PIK3CG: variants seen among roughly 807,000 people sequenced by gnomAD.
PIK3CG encodes the protein phosphatidylinositol-4,5-bisphosphate 3-kinase catalytic subunit gamma, also known as phosphatidylinositol 4,5-bisphosphate 3-kinase catalytic subunit gamma isoform.
A neutral mutation model predicts 102.3 loss-of-function variants in PIK3CG; 55 were observed. The ratio of observed to expected loss-of-function variants is 0.54; its 90% CI spans 0.43 to 0.67. The LOEUF (loss-of-function observed/expected upper bound fraction) is 0.67, where lower values mean the gene tolerates loss of function less well. PIK3CG is among the 30% of genes least tolerant of loss of function. The pLI is 0.00. For missense variants in PIK3CG, 1,258 were observed against 1,391.8 expected (o/e 0.90, Z 1.53); for synonymous variants, 552 against 540.0 (o/e 1.02, Z -0.31).
chr7:106,879,732 T>G lies in PIK3CG; in HGVS notation c.2538+67T>G, dbSNP rs1790878074. On this transcript the variant is annotated intron_variant, in intron 6 of 10. Transcript: ENST00000496166. The surrounding 1 kb of genome is among the most constrained non-coding windows in gnomAD (Gnocchi z 4.9). ...TTCTATATTACATCAAAAACATGCT[T>G]TCTCCTACTGGCTCTATTCCCACTC... 8.5e-7 allele frequency: 1 copy of G among 1,175,354 alleles called. No homozygotes were observed. The highest frequency in any genetic ancestry group is 1.5e-5 in the African/African-American group (1 of 65,978). 72.8% of individuals were successfully genotyped at this position (1,175,354 alleles called of 1,614,324 possible). A position where few individuals can be genotyped will look rare whatever the true frequency, so the allele number is the denominator to read the frequency against.
rs148885710 is a variant in PIK3CG at position 106,873,004 on chromosome 7, A to G, written c.2287+66A>G. 290 of 1,180,140 alleles carry G rather than the reference A, an allele frequency of 2.5e-4. 2 individuals carry two copies. In the East Asian group the frequency reaches 6.3e-3, roughly 26 times the overall value. The allele number at this position is 1,180,140 out of a possible 1,614,324, so 73.1% of individuals were successfully genotyped here. ...TTCATCTCCAAATGCCATTGTTCCT[A>G]TAATTCTTTTTCTTCCTGGAATCCA... On this transcript the variant is annotated intron_variant, in intron 4 of 10. Transcript: ENST00000496166.
Position 106,884,348 on chromosome 7 carries a change from C to A in PIK3CG, c.2872+82C>A. The A allele has an allele frequency of 1.1e-6, 1 of 900,382 alleles. No homozygotes were observed. The highest frequency in any genetic ancestry group is 1.8e-6 in the Non-Finnish European group (1 of 559,368). 55.8% of individuals were successfully genotyped at this position (900,382 alleles called of 1,614,324 possible). A position where few individuals can be genotyped will look rare whatever the true frequency, so the allele number is the denominator to read the frequency against. ...CATTTACTATTTTAACTCTAATTAA[C>A]TGTAAGTGTTCAGTTCAGTGGCATT... is the stretch of plus-strand genomic sequence containing the variant. On this transcript the variant is annotated intron_variant, in intron 9 of 10. Coordinates refer to ENST00000496166, the MANE Select transcript of PIK3CG (RefSeq NM_001282426.2). The surrounding 1 kb of genome is among the most constrained non-coding windows in gnomAD (Gnocchi z 4.2).
In PIK3CG at chr7:106,892,169, T is replaced by A. The variant is rs1444322443; in HGVS notation, c.3030+5877T>A. Among the ~76,000 whole-genome samples, 1 of 151,908 alleles carries A rather than the reference T, an allele frequency of 6.6e-6. No homozygotes were observed. Among genetic ancestry groups the A allele is most frequent in the Non-Finnish European group, 1.5e-5 (1 of 67,958 alleles). ...CCAGCCACAGGGACCACAGAGACCT[T>A]GTAATCTGACATTCTTCCAAGGGCT... On this transcript the variant is annotated intron_variant, in intron 10 of 10. Coordinates refer to ENST00000496166, the MANE Select transcript of PIK3CG (RefSeq NM_001282426.2). The surrounding 1 kb of genome is among the most constrained non-coding windows in gnomAD (Gnocchi z 5.2).
At position 106,893,703 on chromosome 7, in the gene PIK3CG, G is replaced by A. The variant is rs2116587822; in HGVS notation, c.3030+7411G>A. Among the ~76,000 whole-genome samples, 1 of 152,234 alleles carries A rather than the reference G, an allele frequency of 6.6e-6. No individual in the cohort carries two copies. The highest frequency in any genetic ancestry group is 1.9e-4 in the East Asian group (1 of 5,186). On this transcript the variant is annotated intron_variant, in intron 10 of 10. Transcript: ENST00000496166. The surrounding 1 kb of genome is among the most constrained non-coding windows in gnomAD (Gnocchi z 4.4). ...ACAGTTAACAGATTATGTCCTTTTA[G>A]CTAGAGATATATTTGAAGACTTCCT...
In PIK3CG at chr7:106,890,287, C is replaced by T. The variant is rs1791234759; in HGVS notation, c.3030+3995C>T. Among the ~76,000 whole-genome samples, 1 of 152,080 alleles carries T rather than the reference C, an allele frequency of 6.6e-6. No individual in the cohort carries two copies. The highest frequency in any genetic ancestry group is 1.5e-5 in the Non-Finnish European group (1 of 67,992). On this transcript the variant is annotated intron_variant, in intron 10 of 10. Coordinates refer to ENST00000496166, the MANE Select transcript of PIK3CG (RefSeq NM_001282426.2). This position sits in a 1 kb window ranked among gnomAD's most constrained non-coding sequence, Gnocchi z 4.2. ...ACCTCTGCCTCCTGGGTTCACACCA[C>T]TCTCCTGCCTCAGCCTTCCAAGTAG...
In PIK3CG at chr7:106,905,095, T is replaced by A. The variant is rs779207693; in HGVS notation, c.3031-14T>A. 2 of 1,607,902 alleles carry A rather than the reference T, an allele frequency of 1.2e-6. No individual in the cohort carries two copies. Among genetic ancestry groups the A allele is most frequent in the Non-Finnish European group, 1.7e-6 (2 of 1,176,248 alleles). ...CATAACAACAGTAACAGCATTTTCT[T>A]CTTCTTTATCCAGGACATCTGTGTT... is the stretch of plus-strand genomic sequence containing the variant. On this transcript the variant is annotated splice_polypyrimidine_tract_variant and intron_variant, in intron 10 of 10. Coordinates refer to ENST00000496166, the MANE Select transcript of PIK3CG (RefSeq NM_001282426.2). The surrounding 1 kb of genome is among the most constrained non-coding windows in gnomAD (Gnocchi z 5.6).
intron 9 of PIK3CG, among the ~76,000 whole-genome samples, chr7:106,885,096 C>T (rs1269932863): frequency 1.3e-5 from 2 of 152,144 alleles, no homozygotes; most frequent in Non-Finnish European, 2.9e-5. Context: ...CCATCGCTCA[C>T]CTCCTGCTGT....
chr7:106,889,915 T>C (rs143341401), intron 10 of PIK3CG, among the ~76,000 whole-genome samples: 1 of 152,294 alleles, frequency 6.6e-6, no homozygotes, highest in Non-Finnish European at 1.5e-5. Flanking sequence ...CTATTAGCCA[T>C]TGGAGCAGCA....
At chr7:106,901,118 A>C (rs1054176799) in intron 10 of PIK3CG, among the ~76,000 whole-genome samples, 2 of 152,124 alleles carry the variant, frequency 1.3e-5, no homozygotes, top group African/African-American at 4.8e-5. Flanking sequence ...AGCTTGGGAA[A>C]GTTTTCATGG....
In PIK3CG at chr7:106,905,554, C is replaced by T; in HGVS notation, c.*167C>T. 1.5e-6 allele frequency: 1 copy of T among 658,110 alleles called. No homozygotes were observed. Among genetic ancestry groups the T allele is most frequent in the Non-Finnish European group, 2.6e-6 (1 of 390,970 alleles). 40.8% of individuals were successfully genotyped at this position (658,110 alleles called of 1,614,324 possible). On this transcript the variant is annotated 3_prime_UTR_variant, in exon 11 of 11. Coordinates refer to ENST00000496166, the MANE Select transcript of PIK3CG (RefSeq NM_001282426.2). This position sits in a 1 kb window ranked among gnomAD's most constrained non-coding sequence, Gnocchi z 5.6. ...CCCTGGAGAAAAGATGTTGGCATTGCTGATTGTTTGGTTAAGCAATGTCCA... is the reference window on the plus strand; with the variant it reads ...CCCTGGAGAAAAGATGTTGGCATTGTTGATTGTTTGGTTAAGCAATGTCCA...
At position 106,868,112 on chromosome 7, in the gene PIK3CG, G is replaced by A. The variant is rs763939338; in HGVS notation, c.551G>A (p.Arg184His). The A allele has an allele frequency of 6.2e-7, 1 of 1,612,968 alleles. No individual in the cohort carries two copies. The highest frequency in any genetic ancestry group is 8.5e-7 in the Non-Finnish European group (1 of 1,179,516). ...EFTRRGLVTP[R>H]MAEVASRDPK... Reference sequence around the variant, plus strand: ...ACGCGCCGTGGCTTGGTGACCCCGCGCATGGCGGAGGTGGCCAGCCGCGAC... The same window carrying A: ...ACGCGCCGTGGCTTGGTGACCCCGCACATGGCGGAGGTGGCCAGCCGCGAC... The change falls in exon 2 of 11, where the codon CGC (arginine) becomes CAC (histidine). Residue 184 changes from arginine (R) to histidine (H), a missense_variant. Coordinates refer to ENST00000496166, the MANE Select transcript of PIK3CG (RefSeq NM_001282426.2). This position sits in a 1 kb window ranked among gnomAD's most constrained non-coding sequence, Gnocchi z 6.2.
In PIK3CG at chr7:106,905,248, T is replaced by G; in HGVS notation, c.3170T>G (p.Val1057Gly). The G allele has an allele frequency of 6.2e-7, 1 of 1,614,020 alleles. No homozygotes were observed. Among genetic ancestry groups the G allele is most frequent in the Admixed American group, 1.7e-5 (1 of 60,012 alleles). Residue 1057 changes from valine to glycine, a missense_variant, in exon 11 of 11, where the codon GTG (valine) becomes GGG (glycine). By Grantham distance (109) the Val-to-Gly change is moderately radical (BLOSUM62 -3). Transcript: ENST00000496166. This position sits in a 1 kb window ranked among gnomAD's most constrained non-coding sequence, Gnocchi z 5.6. ...GAATATATCCGGGATGCCCTCACAG[T>G]GGGGAAAAATGAGGAGGATGCTAAA... ...DIEYIRDALTVGKNEEDAKKY... is the reference protein window; with the variant it reads ...DIEYIRDALTGGKNEEDAKKY...
In PIK3CG at chr7:106,906,217, T is replaced by C. The variant is rs1791681476; in HGVS notation, c.*830T>C. 2 of 228,898 alleles carry C rather than the reference T, an allele frequency of 8.7e-6. No individual in the cohort carries two copies. The highest frequency in any genetic ancestry group is 1.7e-5 in the Non-Finnish European group (2 of 115,790). 14.2% of individuals were successfully genotyped at this position (228,898 alleles called of 1,614,324 possible). On this transcript the variant is annotated 3_prime_UTR_variant, in exon 11 of 11. Coordinates refer to ENST00000496166, the MANE Select transcript of PIK3CG (RefSeq NM_001282426.2). ...CTCCCTTTTTCATCAATTGCGATGC[T>C]CCCACAACTCTTTACAGACTTGTGA...
In PIK3CG at chr7:106,895,064, A is replaced by G. The variant is rs1562800159; in HGVS notation, c.3030+8772A>G. On this transcript the variant is annotated intron_variant, in intron 10 of 10. Coordinates refer to ENST00000496166, the MANE Select transcript of PIK3CG (RefSeq NM_001282426.2). This position sits in a 1 kb window ranked among gnomAD's most constrained non-coding sequence, Gnocchi z 5.4. Reference sequence around the variant, plus strand: ...CAGATGTACTACGTAGGCTCAATCTATTTATTAGCTACTAATGGAGAATGT... The same window carrying G: ...CAGATGTACTACGTAGGCTCAATCTGTTTATTAGCTACTAATGGAGAATGT... Among the ~76,000 whole-genome samples, 1 of 152,256 alleles carries G rather than the reference A, an allele frequency of 6.6e-6. No homozygotes were observed. The highest frequency in any genetic ancestry group is 1.5e-5 in the Non-Finnish European group (1 of 68,036).
rs1219221198 is a variant in PIK3CG at position 106,867,765 on chromosome 7, G to A, written c.204G>A (p.Glu68=). The A allele has an allele frequency of 3.7e-6, 6 of 1,612,914 alleles. No homozygotes were observed. In the Admixed American group the frequency reaches 5.0e-5, roughly 13 times the overall value. Residue 68 remains glutamate, a synonymous_variant, in exon 2 of 11, where the codon GAG becomes GAA. Coordinates refer to ENST00000496166, the MANE Select transcript of PIK3CG (RefSeq NM_001282426.2). The surrounding 1 kb of genome is among the most constrained non-coding windows in gnomAD (Gnocchi z 5.1). ...LLHVAGHGNV[E]QMKAQVWLRA... ...ACGTGGCCGGCCACGGCAACGTGGAGCAGATGAAGGCCCAGGTGTGGCTGC... is the reference window on the plus strand; with the variant it reads ...ACGTGGCCGGCCACGGCAACGTGGAACAGATGAAGGCCCAGGTGTGGCTGC...
At position 106,869,630 on chromosome 7, in the gene PIK3CG, C is replaced by G; in HGVS notation, c.1995+74C>G. ...TTTGCATATGCACAGGCACTCCATTCAGTTGTCATCAAATGCCCTTTGTTC... is the reference window on the plus strand; with the variant it reads ...TTTGCATATGCACAGGCACTCCATTGAGTTGTCATCAAATGCCCTTTGTTC... On this transcript the variant is annotated intron_variant, in intron 2 of 10. Coordinates refer to ENST00000496166, the MANE Select transcript of PIK3CG (RefSeq NM_001282426.2). The surrounding 1 kb of genome is among the most constrained non-coding windows in gnomAD (Gnocchi z 5.3). 8.0e-7 allele frequency: 1 copy of G among 1,248,026 alleles called. No individual in the cohort carries two copies. 77.3% of individuals were successfully genotyped at this position (1,248,026 alleles called of 1,614,324 possible).
rs980909074 is a variant in PIK3CG at position 106,884,928 on chromosome 7, G to C, written c.2872+662G>C. Among the ~76,000 whole-genome samples the C allele has an allele frequency of 1.1e-4, 17 of 152,274 alleles. No homozygotes were observed. Among genetic ancestry groups the C allele is most frequent in the African/African-American group, 3.6e-4 (15 of 41,540 alleles). On this transcript the variant is annotated intron_variant, in intron 9 of 10. Coordinates refer to ENST00000496166, the MANE Select transcript of PIK3CG (RefSeq NM_001282426.2). The surrounding 1 kb of genome is among the most constrained non-coding windows in gnomAD (Gnocchi z 4.2). ...ATCATCAGGCATTAGATTCTCATAA[G>C]GGGTGCACAGTCTAGATCTTTCTCG...
chr7:106,882,194 TG>T lies in PIK3CG; in HGVS notation c.2618del (p.Gly873ValfsTer4). On this transcript the variant is annotated frameshift_variant, in exon 7 of 11. Transcript: ENST00000496166. LOFTEE classifies it high-confidence loss of function. Reference sequence around the variant, plus strand: ...TCCTGCCATATGGTTGCATTTCAACTGGTGACAAAATAGGTATGTAGTTACC... The same window carrying T: ...TCCTGCCATATGGTTGCATTTCAACTGTGACAAAATAGGTATGTAGTTACC... Reference protein sequence around the residue: ...CLLPYGCISTGDKIGMIEIVK... With the variant: ...CLLPYGCISTXDKIGMIEIVK... 2 of 1,572,562 alleles carry T rather than the reference TG, an allele frequency of 1.3e-6. No individual in the cohort carries two copies. Among genetic ancestry groups the T allele is most frequent in the African/African-American group, 1.4e-5 (1 of 73,308 alleles).
Position 106,899,878 on chromosome 7 carries a change from G to A in PIK3CG, c.3031-5231G>A, listed in dbSNP as rs888859365. 3.9e-5 allele frequency among the ~76,000 whole-genome samples: 6 copies of A among 152,312 alleles called. No homozygotes were observed. The highest frequency in any genetic ancestry group is 3.3e-4 in the Admixed American group (5 of 15,296). Reference sequence around the variant, plus strand: ...AGATGATGCTGCTCTCATAGAACGAGTTGGGGAGGAGTCCCTCCTCAATTT... The same window carrying A: ...AGATGATGCTGCTCTCATAGAACGAATTGGGGAGGAGTCCCTCCTCAATTT... On this transcript the variant is annotated intron_variant, in intron 10 of 10. Coordinates refer to ENST00000496166, the MANE Select transcript of PIK3CG (RefSeq NM_001282426.2). This position sits in a 1 kb window ranked among gnomAD's most constrained non-coding sequence, Gnocchi z 4.6.
Sources: allele counts gnomAD v4.1 joint callset (sites outside exome capture counted in the v4.1 genomes callset), GRCh38; gene constraint gnomAD v4.1.1; non-coding constraint Gnocchi (gnomAD v3.1); transcripts MANE v1.5; gene names NCBI Gene and HGNC (gene_info 2026-07-23, HGNC 2026-07-21).